The following FUT8 variants were observed in gnomAD, a reference collection of about 807,000 sequenced individuals.
The protein encoded by FUT8 is alpha-(1,6)-fucosyltransferase.
A neutral mutation model predicts 71.3 loss-of-function variants in FUT8; 29 were observed. That is an observed-to-expected ratio of 0.41 (90% CI 0.30 to 0.55). FUT8 has a LOEUF of 0.55. FUT8 is among the 20% of genes least tolerant of loss of function. The pLI is 0.34. For missense variants in FUT8, 544 were observed against 702.1 expected, an observed-to-expected ratio of 0.77 and a Z score of 2.55; for synonymous variants, 254 against 239.3, an observed-to-expected ratio of 1.06 and a Z score of -0.57.
At chr14:65,741,950 C>G in intron 10 of FUT8, 143 bp from the exon 11 acceptor site, 1 of 631,312 alleles carries the variant, frequency 1.6e-6, no homozygotes, top group Non-Finnish European at 2.8e-6. Context: ...CTTCTGAGAA[C>G]AAATGGACTG....
upstream of FUT8, chr14:65,412,344 C>G (rs1233193660): frequency 2.2e-6 from 1 of 456,086 alleles, no homozygotes; most frequent in Non-Finnish European, 4.4e-6. Context: ...CGGGTGCCCC[C>G]TAGGGCCGCC....
intron 3 of FUT8, among the ~76,000 whole-genome samples, chr14:65,610,553 C>T (rs1888834536): frequency 6.6e-6 from 1 of 151,810 alleles, no homozygotes; most frequent in South Asian, 2.1e-4. Flanking sequence ...CCATGCCTGG[C>T]TAATTTTATA....
chr14:65,688,802 GCTGT>G (rs907806858), intron 7 of FUT8, among the ~76,000 whole-genome samples: 3 of 152,278 alleles, frequency 2.0e-5, no homozygotes, highest in Non-Finnish European at 1.5e-5. Flanking sequence ...TTCCAAAACG[GCTGT>G]CTATCTAGGC....
chr14:65,383,659 A>G, the FUT8 span, among the ~76,000 whole-genome samples: 4 of 152,102 alleles, frequency 2.6e-5, no homozygotes, highest in African/African-American at 9.7e-5. Context: ...CCATTCCTAG[A>G]TTCCCATCTC....
intron 3 of FUT8, among the ~76,000 whole-genome samples, chr14:65,564,224 A>G (rs1886069571): frequency 6.6e-6 from 1 of 152,076 alleles, no homozygotes; most frequent in Non-Finnish European, 1.5e-5. Context: ...TCATATAAGA[A>G]AATGTGTTCA....
chr14:65,659,038 A>G (rs1451693881), intron 6 of FUT8, among the ~76,000 whole-genome samples: 1 of 152,090 alleles, frequency 6.6e-6, no homozygotes, highest in Non-Finnish European at 1.5e-5. Context: ...CTATTTTGGC[A>G]GTTTATTATG....
chr14:65,473,983 A>C (rs1454105986), intron 2 of FUT8, among the ~76,000 whole-genome samples: 1 of 152,210 alleles, frequency 6.6e-6, no homozygotes, highest in Non-Finnish European at 1.5e-5. Flanking sequence ...AGAATGAAAT[A>C]ACATTTTTGC....
chr14:65,441,941 C>G (rs571206669), intron 1 of FUT8, among the ~76,000 whole-genome samples: 1 of 151,878 alleles, frequency 6.6e-6, no homozygotes, highest in Non-Finnish European at 1.5e-5. Context: ...AATGCTATCC[C>G]TCCTCCTCCC....
intron 3 of FUT8, among the ~76,000 whole-genome samples, chr14:65,606,183 C>T (rs942236118): frequency 5.3e-5 from 8 of 150,848 alleles, no homozygotes; most frequent in Non-Finnish European, 8.9e-5. Flanking sequence ...AGTGATTCTC[C>T]TGCCTCAGCC....
At chr14:65,383,730 G>T in the FUT8 span, among the ~76,000 whole-genome samples, 1,896 of 152,192 alleles carry the variant, frequency 0.012, 17 homozygotes, top group South Asian at 0.024. Context: ...TTGTCTTTGC[G>T]TATACTATTC....
chr14:65,529,654 T>A (rs1258039983), intron 2 of FUT8: 1 of 152,574 alleles, frequency 6.6e-6, no homozygotes, highest in Non-Finnish European at 1.5e-5. Context: ...TTTTGAGGGG[T>A]GTGCATGAAT....
At chr14:65,602,483 A>T (rs949508798) in intron 3 of FUT8, among the ~76,000 whole-genome samples, 2 of 150,698 alleles carry the variant, frequency 1.3e-5, no homozygotes, top group African/African-American at 4.9e-5. Context: ...ATAAACATGC[A>T]TGTGCAAGTA....
chr14:65,633,593 G>T (rs1381410779), intron 6 of FUT8, among the ~76,000 whole-genome samples: 2 of 149,284 alleles, frequency 1.3e-5, no homozygotes, highest in Non-Finnish European at 3.0e-5. Context: ...CTGCCCGGCC[G>T]CCCATCGTCT....
intron 7 of FUT8, among the ~76,000 whole-genome samples, chr14:65,677,884 A>G (rs1229427221): frequency 6.6e-6 from 1 of 152,194 alleles, no homozygotes; most frequent in African/African-American, 2.4e-5. Flanking sequence ...GAGAATAGAA[A>G]AACTGTTTCT....
At chr14:65,559,956 T>C (rs530108307) in intron 2 of FUT8, among the ~76,000 whole-genome samples, 316 of 152,338 alleles carry the variant, frequency 2.1e-3, no homozygotes, top group Admixed American at 3.5e-3. Context: ...TCTCAGCAAG[T>C]ACAATTCTTT....
rs1487546605 is a variant in FUT8 at position 65,483,406 on chromosome 14, T to G, written c.-228+27688T>G. On this transcript the variant is annotated intron_variant, in intron 2 of 10. Transcript: ENST00000673929. The surrounding 1 kb of genome is among the most constrained non-coding windows in gnomAD (Gnocchi z 4.4). ...TAGTTAGTGATCCTTTTTATTAAGC[T>G]TTCACTTTTCAAATTACTGTGTGGC... is the stretch of plus-strand genomic sequence containing the variant. Among the ~76,000 whole-genome samples the G allele has an allele frequency of 6.6e-6, 1 of 152,212 alleles. No individual in the cohort carries two copies. The highest frequency in any genetic ancestry group is 1.5e-5 in the Non-Finnish European group (1 of 68,044).
chr14:65,664,440 C>T (rs1277071880), intron 6 of FUT8, among the ~76,000 whole-genome samples: 1 of 152,112 alleles, frequency 6.6e-6, no homozygotes, highest in East Asian at 1.9e-4. Flanking sequence ...GAATCAGCAA[C>T]TCTACTACTT....
chr14:65,445,733 GA>G (rs937635657), intron 1 of FUT8, among the ~76,000 whole-genome samples: 1 of 152,158 alleles, frequency 6.6e-6, no homozygotes, highest in Non-Finnish European at 1.5e-5. Context: ...TTCTCTATTA[GA>G]TTTTTTTTAC....
intron 2 of FUT8, among the ~76,000 whole-genome samples, chr14:65,548,315 A>G (rs1051832692): frequency 1.3e-5 from 2 of 152,084 alleles, no homozygotes; most frequent in African/African-American, 4.8e-5. Flanking sequence ...AATGTCATGT[A>G]AATGAAGCAC....
Sources: gnomAD v4.1 joint callset for allele counts (sites outside exome capture counted in the v4.1 genomes callset) on GRCh38, gnomAD v4.1.1 for gene constraint, Gnocchi (gnomAD v3.1) non-coding constraint, MANE v1.5 for transcripts, NCBI Gene and HGNC (gene_info 2026-07-23, HGNC 2026-07-21) for gene names.